Variants in TNIK observed in about 807,000 individuals in gnomAD.
The protein encoded by TNIK is TRAF2 and NCK-interacting protein kinase.
TNIK carries 49 observed loss-of-function variants against 191.3 expected under a neutral mutation model. The ratio of observed to expected loss-of-function variants is 0.26; its 90% confidence interval spans 0.20 to 0.32. The LOEUF is 0.32. Among genes scored for constraint, TNIK ranks in the 10% least tolerant of loss-of-function variants. The pLI, the probability that TNIK is intolerant of heterozygous loss-of-function variation, is 1.00. For synonymous variants in TNIK, 594 were observed against 600.9 expected, an observed-to-expected ratio of 0.99 and a Z score of 0.17; for missense variants, 1,155 against 1,702.3, an observed-to-expected ratio of 0.68 and a Z score of 5.66.
chr3:171,377,911 T>TA (rs1717480540), intron 1 of TNIK, among the ~76,000 whole-genome samples: 1 of 152,206 alleles, frequency 6.6e-6, no homozygotes, highest in African/African-American at 2.4e-5. Context: ...AATCCAGGTA[T>TA]TTTGAATCCA....
intron 1 of TNIK, among the ~76,000 whole-genome samples, chr3:171,406,774 G>T (rs1363313228): frequency 3.3e-5 from 5 of 152,208 alleles, no homozygotes; most frequent in African/African-American, 1.2e-4. Context: ...AAGAGCCCAA[G>T]AATTAACTGC....
At chr3:171,086,197 G>T (rs1380198641) in intron 24 of TNIK, among the ~76,000 whole-genome samples, 2 of 152,042 alleles carry the variant, frequency 1.3e-5, no homozygotes, top group Non-Finnish European at 2.9e-5. Flanking sequence ...CACCATCCAA[G>T]ACCTCTAAAC....
At chr3:171,123,470 T>C (rs1371470250) in intron 18 of TNIK, 126 bp downstream of exon 18, 4 of 664,926 alleles carry the variant, frequency 6.0e-6, no homozygotes, top group Non-Finnish European at 9.7e-6. Context: ...CATCAACGTT[T>C]ATAGTGCACA....
At chr3:171,138,621 T>C (rs958885126) in intron 14 of TNIK, among the ~76,000 whole-genome samples, 15 of 152,116 alleles carry the variant, frequency 9.9e-5, no homozygotes, top group African/African-American at 3.6e-4. Context: ...TGGCAATCCC[T>C]ACCGAACCCC....
In TNIK at chr3:171,167,185, G is replaced by A. The variant is rs1311174718; in HGVS notation, c.859C>T (p.Pro287Ser). The change falls in exon 10 of 33, where the codon CCA (proline) becomes TCA (serine). Residue 287 changes from proline to serine, a missense_variant. Coordinates refer to ENST00000436636, the MANE Select transcript of TNIK (RefSeq NM_015028.4). The stretch of plus-strand genomic sequence containing the variant: ...TCATTAGGTTGGTCTCGTATAAATG[G>A]ATGCTTCATCAATTGTTCTGTTGCT... ...RPATEQLMKH[P>S]FIRDQPNERQ... 6.2e-7 allele frequency: 1 copy of A among 1,613,908 alleles called. No individual in the cohort carries two copies. Among genetic ancestry groups the A allele is most frequent in the Non-Finnish European group, 8.5e-7 (1 of 1,179,872 alleles).
At chr3:171,291,146 A>C (rs1248826927) in intron 2 of TNIK, among the ~76,000 whole-genome samples, 7 of 152,154 alleles carry the variant, frequency 4.6e-5, no homozygotes. Flanking sequence ...ATATTCCATT[A>C]ACACATCCTC....
chr3:171,136,178 G>A (rs1010063093), intron 15 of TNIK, among the ~76,000 whole-genome samples: 1 of 152,178 alleles, frequency 6.6e-6, no homozygotes, highest in Non-Finnish European at 1.5e-5. Flanking sequence ...GGATCTGTAG[G>A]TGTCCCTCTC....
chr3:171,459,566 G>A (rs1375860339), intron 1 of TNIK, among the ~76,000 whole-genome samples: 3 of 152,068 alleles, frequency 2.0e-5, no homozygotes, highest in African/African-American at 7.2e-5. Context: ...TCATCTTGCA[G>A]GTAGCTGGAA....
chr3:171,315,356 C>A (rs962745863), intron 2 of TNIK, among the ~76,000 whole-genome samples: 1 of 152,118 alleles, frequency 6.6e-6, no homozygotes, highest in Non-Finnish European at 1.5e-5. Context: ...ATATCCTGAA[C>A]TCACCCTGAT....
chr3:171,165,261 C>G (rs1203967724), intron 10 of TNIK, among the ~76,000 whole-genome samples: 1 of 151,904 alleles, frequency 6.6e-6, no homozygotes, highest in Admixed American at 6.6e-5. Context: ...GCCTGAGCAA[C>G]AGAGACAGAG....
intron 15 of TNIK, among the ~76,000 whole-genome samples, chr3:171,134,069 C>G (rs1160097016): frequency 6.6e-6 from 1 of 152,052 alleles, no homozygotes; most frequent in African/African-American, 2.4e-5. Context: ...GGAGCCCACA[C>G]AGTTATTGCC....
At position 171,318,152 on chromosome 3, in the gene TNIK, C is replaced by T. The variant is rs1390816165; in HGVS notation, c.123+51468G>A. 2.6e-5 allele frequency among the ~76,000 whole-genome samples: 4 copies of T among 152,106 alleles called. No homozygotes were observed. In the East Asian group the frequency reaches 7.7e-4, roughly 29 times the overall value. The stretch of plus-strand genomic sequence containing the variant: ...CAGTGTAGAAAGAAGGAGAGTCATA[C>T]TATATAGTTTAGCCTGAACCTGGCC... On this transcript the variant is annotated intron_variant, in intron 2 of 32. Transcript: ENST00000436636.
chr3:171,347,285 A>G, intron 2 of TNIK: 1 of 1,485,746 alleles, frequency 6.7e-7, no homozygotes, highest in South Asian at 1.3e-5. Flanking sequence ...CACATAGAGC[A>G]CACTCTCTTC....
chr3:171,322,548 G>T (rs1424880935), intron 2 of TNIK, among the ~76,000 whole-genome samples: 1 of 152,032 alleles, frequency 6.6e-6, no homozygotes, highest in African/African-American at 2.4e-5. Context: ...GGACCATACT[G>T]TATTTTCTAC....
At chr3:171,407,023 G>A (rs1422556861) in intron 1 of TNIK, among the ~76,000 whole-genome samples, 4 of 152,208 alleles carry the variant, frequency 2.6e-5, no homozygotes, top group Admixed American at 2.6e-4. Context: ...GAGAGGCAGA[G>A]GGGACAGGAA....
At chr3:171,194,731 T>A in intron 4 of TNIK, 96 bp from the exon 5 acceptor site, 4 of 984,912 alleles carry the variant, frequency 4.1e-6, no homozygotes, top group Non-Finnish European at 6.2e-6. Context: ...TGCTTTGGAA[T>A]GCCATTCCTG....
At chr3:171,352,064 G>C (rs969139944) in intron 2 of TNIK, among the ~76,000 whole-genome samples, 2 of 152,200 alleles carry the variant, frequency 1.3e-5, no homozygotes, top group Admixed American at 6.5e-5. Flanking sequence ...TTCTGCTTCA[G>C]TGGGTTTGGA....
chr3:171,129,623 C>G (rs1199472984), intron 15 of TNIK, among the ~76,000 whole-genome samples: 2 of 152,174 alleles, frequency 1.3e-5, no homozygotes, highest in East Asian at 3.9e-4. Context: ...CCTTTCTCTT[C>G]CCCTCTAACC....
chr3:171,104,787 A>G (rs1402220520), intron 21 of TNIK, among the ~76,000 whole-genome samples: 2 of 152,158 alleles, frequency 1.3e-5, no homozygotes, highest in Non-Finnish European at 2.9e-5. Context: ...CTTAGTTTCA[A>G]TATCCTCATC....
Sources: gnomAD v4.1 joint callset for allele counts (sites outside exome capture counted in the v4.1 genomes callset) on GRCh38, gnomAD v4.1.1 for gene constraint, MANE v1.5 for transcripts, NCBI Gene and HGNC (gene_info 2026-07-23, HGNC 2026-07-21) for gene names.